The following UACA variants were observed in gnomAD, a reference collection of about 807,000 sequenced individuals.
UACA encodes uveal autoantigen with coiled-coil domains and ankyrin repeats.
Under a neutral mutation model 160.5 loss-of-function variants are expected in UACA, and 112 were observed. The ratio of observed to expected loss-of-function variants is 0.70; its 90% CI spans 0.60 to 0.82. UACA has a LOEUF of 0.82. Ranked by LOEUF, UACA falls within the 40% of genes least tolerant of loss-of-function variation. The pLI is 0.00. For missense variants in UACA, 1,574 were observed against 1,614.6 expected, an observed-to-expected ratio of 0.97 and a Z score of 0.43; for synonymous variants, 557 against 568.4, an observed-to-expected ratio of 0.98 and a Z score of 0.29.
At chr15:70,682,965 G>A (rs895459209) in intron 8 of UACA, among the ~76,000 whole-genome samples, 170 bp from the exon 9 acceptor site, 2 of 152,050 alleles carry the variant, frequency 1.3e-5, no homozygotes, top group African/African-American at 2.4e-5. Flanking sequence ...AAACAATAAT[G>A]ACATCTCACT....
intron 18 of UACA, among the ~76,000 whole-genome samples, 196 bp downstream of exon 18, chr15:70,659,955 G>A (rs1896643382): frequency 6.6e-6 from 1 of 152,080 alleles, no homozygotes; most frequent in African/African-American, 2.4e-5. Context: ...AATTTAAGAT[G>A]TTGTGTTGCC....
intron 1 of UACA, among the ~76,000 whole-genome samples, chr15:70,754,345 T>C (rs950423246): frequency 2.6e-5 from 4 of 152,216 alleles, no homozygotes; most frequent in Non-Finnish European, 4.4e-5. Context: ...TATTCTGTTT[T>C]TTCACTTTCA....
intron 1 of UACA, among the ~76,000 whole-genome samples, chr15:70,737,424 T>G (rs1474503036): frequency 6.6e-6 from 1 of 152,176 alleles, no homozygotes; most frequent in African/African-American, 2.4e-5. Context: ...TTTAAAAACT[T>G]GGCTGGGCAC....
intron 2 of UACA, 83 bp from the exon 3 acceptor site, chr15:70,695,188 A>T (rs1452588732): frequency 6.4e-6 from 5 of 780,600 alleles, no homozygotes; most frequent in African/African-American, 3.6e-5. Flanking sequence ...CCCTTTTTCA[A>T]CACACACACA....
intron 1 of UACA, among the ~76,000 whole-genome samples, chr15:70,761,741 A>G (rs1331877006): frequency 6.6e-6 from 1 of 152,222 alleles, no homozygotes; most frequent in Non-Finnish European, 1.5e-5. Flanking sequence ...CGCTCAATTG[A>G]GTGCTAAAGA....
At chr15:70,687,857 T>C in intron 5 of UACA, 37 bp from the exon 6 acceptor site, 1 of 1,598,218 alleles carries the variant, frequency 6.3e-7, no homozygotes, top group East Asian at 2.2e-5. Flanking sequence ...ATGGTGAACA[T>C]CTGTTGGTAA....
chr15:70,762,379 T>C (rs2030815970), intron 1 of UACA, among the ~76,000 whole-genome samples: 1 of 152,276 alleles, frequency 6.6e-6, no homozygotes, highest in Non-Finnish European at 1.5e-5. Context: ...AACTGTGCAG[T>C]TGGAGCATAA....
In UACA at chr15:70,687,819, T is replaced by G; in HGVS notation, c.426A>C (p.Ala142=). 6.2e-7 allele frequency: 1 copy of G among 1,613,560 alleles called. No homozygotes were observed. Among genetic ancestry groups the G allele is most frequent in the Non-Finnish European group, 8.5e-7 (1 of 1,179,676 alleles). ...GTATGCTAGAAGGACAATCTGCCAT[T>G]GCTTTAAGGAACAAAAGAAAATGAT... ...LQGRTALHDA[A]MADCPSSIQL... The change falls in exon 6 of 19, where the codon GCA becomes GCC. Residue 142 remains alanine, a splice_region_variant and synonymous_variant. Transcript: ENST00000322954.
intron 1 of UACA, among the ~76,000 whole-genome samples, chr15:70,708,464 CTT>C (rs1190953678): frequency 0.027 from 3,909 of 142,994 alleles, 191 homozygotes; most frequent in African/African-American, 0.093. Flanking sequence ...ACAATACTAT[CTT>C]TTTTTTTTTT....
chr15:70,755,588 T>G (rs1431191258), intron 1 of UACA, among the ~76,000 whole-genome samples: 1 of 151,718 alleles, frequency 6.6e-6, no homozygotes, highest in Non-Finnish European at 1.5e-5. Context: ...GAGAATCTCT[T>G]GAACCCGAGA....
At chr15:70,688,662 TC>T (rs1897818217) in intron 5 of UACA, among the ~76,000 whole-genome samples, 1 of 152,042 alleles carries the variant, frequency 6.6e-6, no homozygotes, top group Admixed American at 6.6e-5. Context: ...ACCCTTTACG[TC>T]CAATTATAAA....
chr15:70,664,757 G>C lies in UACA; in HGVS notation c.4018C>G (p.Gln1340Glu). 1 of 1,613,530 alleles carries C rather than the reference G, an allele frequency of 6.2e-7. No homozygotes were observed. The highest frequency in any genetic ancestry group is 8.5e-7 in the Non-Finnish European group (1 of 1,179,792). ...RLKQALNGLS[Q>E]LTYTSGNPTK... ...GGGTTCCCACTTGTGTAGGTGAGTTGGGAAAGGCCATTGAGTGCCTGTTTT... is the reference window on the plus strand; with the variant it reads ...GGGTTCCCACTTGTGTAGGTGAGTTCGGAAAGGCCATTGAGTGCCTGTTTT... The change falls in exon 17 of 19, where the codon CAA becomes GAA. Residue 1340 changes from glutamine (Q) to glutamate (E), a missense_variant. Gln to Glu is a conservative substitution (Grantham distance 29, BLOSUM62 2). Coordinates refer to ENST00000322954, the MANE Select transcript of UACA (RefSeq NM_018003.4).
At chr15:70,723,133 C>A (rs1325523612) in intron 1 of UACA, among the ~76,000 whole-genome samples, 1 of 152,174 alleles carries the variant, frequency 6.6e-6, no homozygotes, top group Non-Finnish European at 1.5e-5. Flanking sequence ...ATAAAAACCA[C>A]TTCATTTGTT....
Position 70,657,869 on chromosome 15 carries a change from G to T in UACA, c.4180-742C>A, listed in dbSNP as rs946298463. Among the ~76,000 whole-genome samples, 7 of 151,804 alleles carry T rather than the reference G, an allele frequency of 4.6e-5. No individual in the cohort carries two copies. The East Asian group carries it at 1.4e-3, about 29-fold the overall frequency. On this transcript the variant is annotated intron_variant, in intron 18 of 18. Coordinates refer to ENST00000322954, the MANE Select transcript of UACA (RefSeq NM_018003.4). ...GGCCAAGGTGGGAGGATCACTTGAG[G>T]CCAGGAGTTTAAGACCAGCCTAGAC...
rs1897895617 is a variant in UACA, at chr15:70,690,505, A to G, written c.373T>C (p.Cys125Arg). The G allele has an allele frequency of 1.2e-6, 2 of 1,612,390 alleles. No homozygotes were observed. Among genetic ancestry groups the G allele is most frequent in the East Asian group, 2.2e-5 (1 of 44,806 alleles). Reference protein sequence around the residue: ...LCLQKLLQYNCPTEHADLQGR... With the variant: ...LCLQKLLQYNRPTEHADLQGR... ...TGCAGGTCTGCATGCTCAGTGGGAC[A>G]ATTGTACTGTTAAAGTAAAGAAAAC... The change falls in exon 5 of 19, where the codon TGT becomes CGT. Residue 125 changes from cysteine to arginine, a missense_variant. Coordinates refer to ENST00000322954, the MANE Select transcript of UACA (RefSeq NM_018003.4).
intron 1 of UACA, among the ~76,000 whole-genome samples, chr15:70,719,495 C>T (rs967406520): frequency 4.6e-5 from 7 of 152,196 alleles, no homozygotes; most frequent in African/African-American, 1.7e-4. Context: ...ATAAAATGCA[C>T]ATCTCAACGA....
rs1595871671 is a variant in UACA at position 70,667,827 on chromosome 15, A to G, written c.2857T>C (p.Tyr953His). 6.2e-7 allele frequency: 1 copy of G among 1,613,796 alleles called. No homozygotes were observed. Among genetic ancestry groups the G allele is most frequent in the Non-Finnish European group, 8.5e-7 (1 of 1,179,952 alleles). ...QDSNAEILAN[Y>H]RKGQEEIVTL... is the part of the protein sequence containing the mutation. ...ACAATCTCTTCTTGGCCTTTTCTGT[A>G]GTTGGCCAAGATTTCAGCATTACTA... The change falls in exon 16 of 19, where the codon TAC becomes CAC. Residue 953 changes from tyrosine to histidine, a missense_variant. Transcript: ENST00000322954.
chr15:70,739,700 CT>C (rs1899471134), intron 1 of UACA, among the ~76,000 whole-genome samples: 1 of 152,158 alleles, frequency 6.6e-6, no homozygotes, highest in Admixed American at 6.5e-5. Context: ...TTACCATACT[CT>C]TGAAGTCAAT....
chr15:70,669,264 A>G lies in UACA; in HGVS notation c.1420T>C (p.Cys474Arg), dbSNP rs1250115960. Reference protein sequence around the residue: ...QNELAHKVAECKALALECERV... With the variant: ...QNELAHKVAERKALALECERV... ...TCACATTCTAATGCTAAAGCTTTGCATTCTGCCACTTTGTGTGCCAGTTCA... is the reference window on the plus strand; with the variant it reads ...TCACATTCTAATGCTAAAGCTTTGCGTTCTGCCACTTTGTGTGCCAGTTCA... Residue 474 changes from cysteine (C) to arginine (R), a missense_variant, in exon 16 of 19, where the codon TGC becomes CGC. Coordinates refer to ENST00000322954, the MANE Select transcript of UACA (RefSeq NM_018003.4). The G allele has an allele frequency of 6.2e-7, 1 of 1,613,936 alleles. No homozygotes were observed. Among genetic ancestry groups the G allele is most frequent in the South Asian group, 1.1e-5 (1 of 91,076 alleles).
Sources: gnomAD v4.1 joint callset for allele counts (sites outside exome capture counted in the v4.1 genomes callset) on GRCh38, gnomAD v4.1.1 for gene constraint, MANE v1.5 for transcripts, NCBI Gene and HGNC (gene_info 2026-07-23, HGNC 2026-07-21) for gene names.